The following COX7B2 variants were observed in gnomAD, a reference collection of about 807,000 sequenced individuals.
COX7B2 encodes the protein cytochrome c oxidase subunit 7B2, also known as cytochrome c oxidase subunit 7B2, mitochondrial.
For missense variants in COX7B2, 109 were observed against 95.9 expected (o/e 1.14, Z -0.57); for synonymous variants, 37 against 32.1 (o/e 1.15, Z -0.51).
At chr4:46,830,695 GCTTATTT>G (rs1476676525) in intron 2 of COX7B2, among the ~76,000 whole-genome samples, 1 of 152,216 alleles carries the variant, frequency 6.6e-6, no homozygotes, top group Non-Finnish European at 1.5e-5. Context: ...CACAATAGAT[GCTTATTT>G]CTTGCTCATA....
intron 1 of COX7B2, among the ~76,000 whole-genome samples, chr4:46,901,619 CCAG>C (rs1394012060): frequency 6.6e-6 from 1 of 152,158 alleles, no homozygotes; most frequent in East Asian, 1.9e-4. Flanking sequence ...GAGGGTGTTT[CCAG>C]AAGACATTAG....
intron 1 of COX7B2, among the ~76,000 whole-genome samples, chr4:46,884,934 G>C (rs1324537462): frequency 1.4e-5 from 2 of 146,114 alleles, no homozygotes; most frequent in African/African-American, 5.0e-5. Context: ...TAATATTTTT[G>C]TTAATGCCCT....
intron 1 of COX7B2, among the ~76,000 whole-genome samples, chr4:46,896,170 T>C (rs980337346): frequency 2.0e-5 from 3 of 152,184 alleles, no homozygotes; most frequent in African/African-American, 2.4e-5. Flanking sequence ...GAGTATAAAC[T>C]CATATTTTAT....
intron 2 of COX7B2, among the ~76,000 whole-genome samples, chr4:46,808,417 G>GT (rs771079977): frequency 1.3e-5 from 2 of 151,594 alleles, no homozygotes; most frequent in Non-Finnish European, 3.0e-5. Flanking sequence ...AGTTCTATGA[G>GT]TTTTTTTGTG....
chr4:46,827,509 A>G (rs946315079), intron 2 of COX7B2, among the ~76,000 whole-genome samples: 1 of 152,154 alleles, frequency 6.6e-6, no homozygotes. Context: ...TATCTACTGA[A>G]AGTACCCTAC....
chr4:46,834,276 A>G (rs1191903966), intron 2 of COX7B2, among the ~76,000 whole-genome samples: 1 of 152,138 alleles, frequency 6.6e-6, no homozygotes, highest in Non-Finnish European at 1.5e-5. Flanking sequence ...TCTGGAGTTC[A>G]GATGGTAATA....
intron 2 of COX7B2, among the ~76,000 whole-genome samples, chr4:46,825,568 T>C (rs1577616107): frequency 2.0e-5 from 3 of 152,086 alleles, no homozygotes; most frequent in African/African-American, 7.2e-5. Context: ...AGAGCTCCCA[T>C]AGCCAAGACA....
At chr4:46,768,231 C>T (rs527684352) in intron 2 of COX7B2, among the ~76,000 whole-genome samples, 12 of 152,322 alleles carry the variant, frequency 7.9e-5, no homozygotes, top group African/African-American at 2.9e-4. Flanking sequence ...AGAGATTTTA[C>T]TGAGCGATGG....
At chr4:46,781,124 AG>A (rs1370042683) in intron 2 of COX7B2, among the ~76,000 whole-genome samples, 3 of 152,218 alleles carry the variant, frequency 2.0e-5, no homozygotes, top group African/African-American at 7.2e-5. Flanking sequence ...ACATATAGCT[AG>A]TAGACTTACT....
intron 2 of COX7B2, among the ~76,000 whole-genome samples, chr4:46,763,027 A>AATATAAT: frequency 5.6e-5 from 7 of 125,896 alleles, no homozygotes; most frequent in African/African-American, 2.1e-4. Context: ...TATATAATAT[A>AATATAAT]ATATAATATA....
At chr4:46,893,064 C>T (rs1451233930) in intron 1 of COX7B2, among the ~76,000 whole-genome samples, 1 of 152,172 alleles carries the variant, frequency 6.6e-6, no homozygotes, top group African/African-American at 2.4e-5. Context: ...AATTAAACCT[C>T]TTTCCTTTAT....
At chr4:46,848,075 G>A (rs980889325) in intron 1 of COX7B2, among the ~76,000 whole-genome samples, 5 of 151,926 alleles carry the variant, frequency 3.3e-5, no homozygotes, top group African/African-American at 1.2e-4. Flanking sequence ...TGAATTTTTT[G>A]GGGAGTGGGA....
At chr4:46,908,798 T>C (rs898521060) in intron 1 of COX7B2, among the ~76,000 whole-genome samples, 2 of 149,538 alleles carry the variant, frequency 1.3e-5, no homozygotes, top group African/African-American at 2.5e-5. Flanking sequence ...TCCCAACACT[T>C]TGGGAGGCCG....
At chr4:46,806,830 G>A (rs1170967942) in intron 2 of COX7B2, among the ~76,000 whole-genome samples, 1 of 151,904 alleles carries the variant, frequency 6.6e-6, no homozygotes, top group African/African-American at 2.4e-5. Context: ...GCTAATCCAT[G>A]TTATAACAAA....
Position 46,835,830 on chromosome 4 carries a change from C to G in COX7B2, c.-50+9130G>C, listed in dbSNP as rs138924352. 4.4e-3 allele frequency among the ~76,000 whole-genome samples: 677 copies of G among 152,306 alleles called. 6 individuals are homozygous for G. The highest frequency in any genetic ancestry group is 0.016 in the African/African-American group (656 of 41,572). ...TAAAGTGTATTTACACAGCCTCAAT[C>G]ATACAGCCTACTACACATCTAGGCT... is the stretch of plus-strand genomic sequence containing the variant. On this transcript the variant is annotated intron_variant, in intron 2 of 2. Transcript: ENST00000355591.
At chr4:46,741,046 A>C (rs1241870798) in intron 2 of COX7B2, among the ~76,000 whole-genome samples, 4 of 152,076 alleles carry the variant, frequency 2.6e-5, no homozygotes, top group Non-Finnish European at 5.9e-5. Flanking sequence ...CTTCAAAAGG[A>C]TTTGCTGTAT....
intron 2 of COX7B2, among the ~76,000 whole-genome samples, chr4:46,742,757 G>C (rs891056253): frequency 2.0e-5 from 3 of 152,174 alleles, no homozygotes; most frequent in African/African-American, 7.2e-5. Flanking sequence ...GAACCTGTGA[G>C]CTGGTGTCCT....
chr4:46,808,714 A>G (rs115999318), intron 2 of COX7B2, among the ~76,000 whole-genome samples: 156 of 151,948 alleles, frequency 1.0e-3, no homozygotes, highest in African/African-American at 3.6e-3. Flanking sequence ...CTTTCTTTCT[A>G]TACCTAAACT....
intron 2 of COX7B2, among the ~76,000 whole-genome samples, chr4:46,821,652 A>G (rs1205055676): frequency 1.3e-5 from 2 of 152,232 alleles, no homozygotes; most frequent in South Asian, 2.1e-4. Flanking sequence ...AATAGAATAA[A>G]GAGTGTAAAC....
Sources: allele counts gnomAD v4.1 joint callset (sites outside exome capture counted in the v4.1 genomes callset), GRCh38; gene constraint gnomAD v4.1.1; transcripts MANE v1.5; gene names NCBI Gene and HGNC (gene_info 2026-07-23, HGNC 2026-07-21).